The following SMURF1 variants were observed in gnomAD, a reference collection of about 807,000 sequenced individuals.
SMURF1 encodes the protein E3 ubiquitin-protein ligase SMURF1.
SMURF1 carries 44 observed loss-of-function variants against 98.0 expected under a neutral mutation model. The ratio of observed to expected loss-of-function variants is 0.45; its 90% CI spans 0.35 to 0.58. The LOEUF is 0.58. Among genes scored for constraint, SMURF1 ranks in the 20% least tolerant of loss-of-function variants. SMURF1 has a pLI of 0.00. For synonymous variants in SMURF1, 396 were observed against 374.9 expected, an observed-to-expected ratio of 1.06 and a Z score of -0.65; for missense variants, 687 against 938.4, an observed-to-expected ratio of 0.73 and a Z score of 3.50.
intron 16 of SMURF1, 58 bp from the exon 17 acceptor site, chr7:99,033,179 G>A (rs1794983877): frequency 2.6e-6 from 4 of 1,514,724 alleles, no homozygotes; most frequent in South Asian, 2.4e-5. Flanking sequence ...GCGCTTCCCG[G>A]CCACACAGCC....
intron 1 of SMURF1, among the ~76,000 whole-genome samples, chr7:99,087,397 A>C (rs948089655): frequency 2.0e-5 from 3 of 152,118 alleles, no homozygotes; most frequent in African/African-American, 7.2e-5. Flanking sequence ...AACAAACAAA[A>C]AAAATTAAAC....
At chr7:99,113,924 A>G (rs1797384173) in intron 1 of SMURF1, among the ~76,000 whole-genome samples, 1 of 151,522 alleles carries the variant, frequency 6.6e-6, no homozygotes, top group Non-Finnish European at 1.5e-5. Flanking sequence ...TATATAGGCA[A>G]ATTTAAAAAA....
In SMURF1 at chr7:99,052,367, C is replaced by T. The variant is rs766888621; in HGVS notation, c.559G>A (p.Gly187Ser). ...CAATTCCCTCCTCCAGCAGCAGCAC[C>T]GGTGCTATCTGTGTAAGGGGCTGGT... ...EEPAPYTDSTGAAAGGGNCRF... is the reference protein window; with the variant it reads ...EEPAPYTDSTSAAAGGGNCRF... The change falls in exon 7 of 18, where the codon GGT (glycine) becomes AGT (serine). Residue 187 changes from glycine (G) to serine (S), a missense_variant. Gly to Ser is a moderately conservative substitution (Grantham distance 56). Transcript: ENST00000361368. The T allele has an allele frequency of 2.2e-5, 35 of 1,612,136 alleles. No homozygotes were observed. Among genetic ancestry groups the T allele is most frequent in the Admixed American group, 1.2e-4 (7 of 59,804 alleles).
In SMURF1 at chr7:99,038,537, A is replaced by AC; in HGVS notation, c.1551-13_1551-12insG. 1.2e-6 allele frequency: 2 copies of AC among 1,613,288 alleles called. No homozygotes were observed. The highest frequency in any genetic ancestry group is 1.7e-6 in the Non-Finnish European group (2 of 1,179,602). ...TGATGTCGTTCTCTCTGTTGAAATA[A>AC]GACAGAAGGATGTAGGTTAGAACTC... On this transcript the variant is annotated splice_polypyrimidine_tract_variant and intron_variant, in intron 13 of 17. Coordinates refer to ENST00000361368, the MANE Select transcript of SMURF1 (RefSeq NM_181349.3).
chr7:99,065,526 A>G (rs1796168271), intron 1 of SMURF1, among the ~76,000 whole-genome samples: 1 of 152,150 alleles, frequency 6.6e-6, no homozygotes, highest in Non-Finnish European at 1.5e-5. Context: ...ACGAGCTATT[A>G]GTTTTCTCAC....
intron 13 of SMURF1, among the ~76,000 whole-genome samples, chr7:99,039,066 G>A (rs368708423): frequency 1.3e-5 from 2 of 151,640 alleles, no homozygotes; most frequent in African/African-American, 4.8e-5. Flanking sequence ...GGTGGCAGGC[G>A]CCTGTAGTCC....
At position 99,040,014 on chromosome 7, in the gene SMURF1, G is replaced by A. The variant is rs1383646866; in HGVS notation, c.1550+364C>T. Among the ~76,000 whole-genome samples the A allele has an allele frequency of 2.6e-5, 4 of 152,318 alleles. No individual in the cohort carries two copies. The East Asian group carries it at 7.7e-4, about 29-fold the overall frequency. On this transcript the variant is annotated intron_variant, in intron 13 of 17. Transcript: ENST00000361368. The stretch of plus-strand genomic sequence containing the variant: ...CCTGGGGAGTGGCCTGTTAACGTCT[G>A]TGATCGCGCCTTCTTCATTCAAGGA...
chr7:99,113,578 C>A (rs1027613234), intron 1 of SMURF1, among the ~76,000 whole-genome samples: 1 of 152,036 alleles, frequency 6.6e-6, no homozygotes, highest in Non-Finnish European at 1.5e-5. Context: ...CGGTGGCTCA[C>A]ACCTGTAATC....
rs936957529 is a variant in SMURF1, at chr7:99,078,223, A to G, written c.56-16386T>C. Among the ~76,000 whole-genome samples the G allele has an allele frequency of 7.3e-5, 11 of 151,360 alleles. No homozygotes were observed. In the East Asian group the frequency reaches 2.0e-3, roughly 27 times the overall value. On this transcript the variant is annotated intron_variant, in intron 1 of 17. Coordinates refer to ENST00000361368, the MANE Select transcript of SMURF1 (RefSeq NM_181349.3). ...AGGCTGAGGCAGGAGAATCACTTGA[A>G]CCTGGGAGGCAGAGGTTGCGTTGAG...
At position 99,061,845 on chromosome 7, in the gene SMURF1, CAAAG is replaced by C. The variant is rs1180066118; in HGVS notation, c.56-12_56-9del. ...GGTTCTTGGCACATAACACTAAAAACAAAGAAAAATTACTCAGGTTAGCATTAAA... is the reference window on the plus strand; with the variant it reads ...GGTTCTTGGCACATAACACTAAAAACAAAAATTACTCAGGTTAGCATTAAA... On this transcript the variant is annotated splice_polypyrimidine_tract_variant and intron_variant, in intron 1 of 17. Coordinates refer to ENST00000361368, the MANE Select transcript of SMURF1 (RefSeq NM_181349.3). 1.1e-5 allele frequency: 18 copies of C among 1,596,058 alleles called. No homozygotes were observed. Among genetic ancestry groups the C allele is most frequent in the Non-Finnish European group, 1.5e-5 (18 of 1,171,682 alleles).
chr7:99,044,851 C>G (rs55658293), intron 11 of SMURF1, among the ~76,000 whole-genome samples: 1 of 152,208 alleles, frequency 6.6e-6, no homozygotes, highest in Non-Finnish European at 1.5e-5. Context: ...AAGCAGTTGT[C>G]TTAGCCAAGC....
At chr7:99,143,664 C>A (rs1584229361) in intron 1 of SMURF1, 62 bp downstream of exon 1, 4 of 1,377,896 alleles carry the variant, frequency 2.9e-6, no homozygotes, top group Admixed American at 2.6e-5. Flanking sequence ...GGGCGCCCTG[C>A]GGGGAATTCC....
At chr7:99,076,567 G>A (rs1467890633) in intron 1 of SMURF1, among the ~76,000 whole-genome samples, 1 of 152,212 alleles carries the variant, frequency 6.6e-6, no homozygotes, top group Non-Finnish European at 1.5e-5. Context: ...AACTGTCACA[G>A]CCAAGAGCAA....
intron 1 of SMURF1, among the ~76,000 whole-genome samples, chr7:99,133,981 T>G (rs1797930119): frequency 6.6e-6 from 1 of 151,344 alleles, no homozygotes; most frequent in Admixed American, 6.6e-5. Context: ...GCCAGGGGGG[T>G]GCGGCTGAGG....
rs184176575 is a variant in SMURF1, at chr7:99,051,277, G to A, written c.806+80C>T. 8.0e-5 allele frequency: 91 copies of A among 1,131,700 alleles called. No homozygotes were observed. In the East Asian group the frequency reaches 2.1e-3, roughly 26 times the overall value. 70.1% of individuals were successfully genotyped at this position (1,131,700 alleles called of 1,614,324 possible). On this transcript the variant is annotated intron_variant, in intron 8 of 17. Transcript: ENST00000361368. The stretch of plus-strand genomic sequence containing the variant: ...TCACTATTTTTAGTTTAAAACAAGA[G>A]CAACACATCTGGAAGGTATTGGCTT...
intron 1 of SMURF1, among the ~76,000 whole-genome samples, chr7:99,139,202 C>T (rs566011752): frequency 6.6e-6 from 1 of 152,168 alleles, no homozygotes; most frequent in Non-Finnish European, 1.5e-5. Flanking sequence ...CAGCTATTAC[C>T]ACAACTATTT....
intron 1 of SMURF1, chr7:99,120,903 T>C (rs569188078): frequency 6.6e-6 from 1 of 151,860 alleles, no homozygotes; most frequent in South Asian, 2.1e-4. Flanking sequence ...TTGTTTTTTT[T>C]TTTTCCCCAA....
intron 1 of SMURF1, among the ~76,000 whole-genome samples, chr7:99,139,672 G>C (rs993584740): frequency 1.3e-5 from 2 of 152,136 alleles, no homozygotes; most frequent in African/African-American, 4.8e-5. Flanking sequence ...ATGACTACAA[G>C]ATAATGCTCT....
chr7:99,079,126 G>A (rs945662814), intron 1 of SMURF1, among the ~76,000 whole-genome samples: 6 of 152,230 alleles, frequency 3.9e-5, no homozygotes, highest in South Asian at 2.1e-4. Flanking sequence ...GTGGGAAGCC[G>A]GGAAGCTGAG....
Sources: allele counts gnomAD v4.1 joint callset (sites outside exome capture counted in the v4.1 genomes callset), GRCh38; gene constraint gnomAD v4.1.1; transcripts MANE v1.5; gene names NCBI Gene and HGNC (gene_info 2026-07-23, HGNC 2026-07-21).